ATP11A: variants seen among roughly 807,000 people sequenced by gnomAD.
ATP11A encodes ATPase phospholipid transporting 11A.
ATP11A carries 81 observed loss-of-function variants against 154.4 expected under a neutral mutation model. The ratio of observed to expected loss-of-function variants is 0.52; its 90% confidence interval spans 0.44 to 0.63. ATP11A has a LOEUF of 0.63. Among genes scored for constraint, ATP11A ranks in the 30% least tolerant of loss-of-function variants. ATP11A has a pLI of 0.00. For missense variants in ATP11A, 1,316 were observed against 1,474.3 expected, an observed-to-expected ratio of 0.89 and a Z score of 1.76; for synonymous variants, 623 against 585.9, an observed-to-expected ratio of 1.06 and a Z score of -0.91.
At chr13:112,784,397 A>G (rs11617478) in intron 1 of ATP11A, among the ~76,000 whole-genome samples, 5,260 of 151,928 alleles carry the variant, frequency 0.035, 118 homozygotes, top group Non-Finnish European at 0.055. Context: ...TCCAAGCCCC[A>G]CCTCTGGAGT....
rs988257311 is a variant in ATP11A at position 112,834,746 on chromosome 13, A to G, written c.1631+86A>G. The G allele has an allele frequency of 3.6e-6, 4 of 1,103,968 alleles. No homozygotes were observed. The African/African-American group carries it at 4.7e-5, about 13-fold the overall frequency. The allele number at this position is 1,103,968 out of a possible 1,614,324, so 68.4% of individuals were successfully genotyped here. On this transcript the variant is annotated intron_variant, in intron 15 of 29. Transcript: ENST00000375645. ...AGGTTCTGCGTTTGAGGGAAAAGAC[A>G]AGTTCTCTATGTTCTCCCACAATTC... is the stretch of plus-strand genomic sequence containing the variant.
At chr13:112,762,707 A>C (rs1328872069) in intron 1 of ATP11A, among the ~76,000 whole-genome samples, 2 of 152,198 alleles carry the variant, frequency 1.3e-5, no homozygotes, top group African/African-American at 4.8e-5. Context: ...CTCGAAACCC[A>C]GTTATGCTCA....
intron 16 of ATP11A, among the ~76,000 whole-genome samples, chr13:112,841,035 T>C (rs375556066): frequency 2.6e-5 from 4 of 152,346 alleles, no homozygotes; most frequent in South Asian, 4.1e-4. Flanking sequence ...CTGTGGTGTT[T>C]CTCCCACCCT....
chr13:112,820,094 A>G (rs2078758367), intron 8 of ATP11A, 144 bp downstream of exon 8: 6 of 763,134 alleles, frequency 7.9e-6, no homozygotes, highest in South Asian at 3.9e-5. Context: ...GCCGGGCTCC[A>G]CTCTCGTCTC....
chr13:112,775,511 C>T (rs1256273747), intron 1 of ATP11A, among the ~76,000 whole-genome samples: 1 of 152,218 alleles, frequency 6.6e-6, no homozygotes, highest in Non-Finnish European at 1.5e-5. Flanking sequence ...GTTTTCTCCT[C>T]TCCTACTTAC....
At chr13:112,745,700 G>A (rs1346774408) in intron 1 of ATP11A, 1 of 152,140 alleles carries the variant, frequency 6.6e-6, no homozygotes, top group Admixed American at 6.5e-5. Context: ...AAAACAAAAA[G>A]ATTAGGAGCG....
chr13:112,821,583 T>C (rs1431870139), intron 8 of ATP11A, among the ~76,000 whole-genome samples: 1 of 152,208 alleles, frequency 6.6e-6, no homozygotes, highest in Non-Finnish European at 1.5e-5. Flanking sequence ...AGTATTGGGA[T>C]TATAGGCATG....
rs1233839482 is a variant in ATP11A at position 112,873,400 on chromosome 13, T to C, written c.3058-173T>C. The C allele has an allele frequency of 7.2e-6, 4 of 555,920 alleles. No homozygotes were observed. In the African/African-American group the frequency reaches 7.8e-5, roughly 11 times the overall value. 34.4% of individuals were successfully genotyped at this position (555,920 alleles called of 1,614,324 possible). A position where few individuals can be genotyped will look rare whatever the true frequency, so the allele number is the denominator to read the frequency against. On this transcript the variant is annotated intron_variant, in intron 26 of 29. Coordinates refer to ENST00000375645, the MANE Select transcript of ATP11A (RefSeq NM_015205.3). The stretch of plus-strand genomic sequence containing the variant: ...GGTGTGGCTTTGTCTTCCTGAGCGG[T>C]GTGAGGTGTGGCTTTGTCTTCCTGA...
intron 1 of ATP11A, among the ~76,000 whole-genome samples, chr13:112,743,064 T>C (rs2139761654): frequency 6.6e-6 from 1 of 152,304 alleles, no homozygotes; most frequent in African/African-American, 2.4e-5. Flanking sequence ...GAGGGTTCTA[T>C]GGAGAGGCGA....
chr13:112,851,164 A>G lies in ATP11A; in HGVS notation c.1937A>G (p.Tyr646Cys), dbSNP rs758199797. 6 of 1,614,230 alleles carry G rather than the reference A, an allele frequency of 3.7e-6. No homozygotes were observed. The highest frequency in any genetic ancestry group is 2.2e-5 in the East Asian group (1 of 44,882). Reference protein sequence around the residue: ...QDREKKLAEAYEQIEKDLTLL... With the variant: ...QDREKKLAEACEQIEKDLTLL... ...CGAGAGAAAAAGTTAGCAGAAGCCT[A>G]TGAGCAAATAGAGAAAGATCTTACT... Residue 646 changes from tyrosine (Y) to cysteine (C), a missense_variant, in exon 18 of 30, where the codon TAT becomes TGT. Transcript: ENST00000375645.
chr13:112,831,877 C>T (rs2079096611), intron 13 of ATP11A, among the ~76,000 whole-genome samples: 1 of 152,056 alleles, frequency 6.6e-6, no homozygotes, highest in South Asian at 2.1e-4. Flanking sequence ...TGTGTGCACA[C>T]ACACACATGC....
At chr13:112,845,088 A>T (rs1019741777) in intron 17 of ATP11A, among the ~76,000 whole-genome samples, 1 of 151,820 alleles carries the variant, frequency 6.6e-6, no homozygotes, top group African/African-American at 2.4e-5. Context: ...GGTACAGACC[A>T]GTCCAGTTGC....
At chr13:112,826,186 C>T (rs1273047515) in intron 11 of ATP11A, among the ~76,000 whole-genome samples, 2 of 152,208 alleles carry the variant, frequency 1.3e-5, no homozygotes, top group African/African-American at 2.4e-5. Flanking sequence ...CAAACCCAGA[C>T]CTGTGTCCCC....
rs1484639200 is a variant in ATP11A at position 112,697,547 on chromosome 13, G to A, written c.39+7092G>A. Among the ~76,000 whole-genome samples, 1 of 152,084 alleles carries A rather than the reference G, an allele frequency of 6.6e-6. No individual in the cohort carries two copies. Among genetic ancestry groups the A allele is most frequent in the African/African-American group, 2.4e-5 (1 of 41,406 alleles). On this transcript the variant is annotated intron_variant, in intron 1 of 29. Transcript: ENST00000375645. The surrounding 1 kb of genome is among the most constrained non-coding windows in gnomAD (Gnocchi z 4.0). ...CCAGAGTTCCGAGGGCCTCCTCATA[G>A]TTTTAAAACTCTTTATTTTATTTTT...
intron 29 of ATP11A, chr13:112,881,187 C>T (rs2080873623): frequency 1.0e-6 from 1 of 989,202 alleles, no homozygotes; most frequent in Non-Finnish European, 1.2e-6. Context: ...GGGGACGGCC[C>T]CTCATCAGAC....
At chr13:112,710,955 C>T (rs565042961) in intron 1 of ATP11A, among the ~76,000 whole-genome samples, 136 of 67,862 alleles carry the variant, frequency 2.0e-3, no homozygotes, top group African/African-American at 6.3e-3. Context: ...CCCCTGCCAA[C>T]CACCCGGAGC....
At position 112,807,554 on chromosome 13, in the gene ATP11A, C is replaced by T. The variant is rs1477052991; in HGVS notation, c.333+1261C>T. Among the ~76,000 whole-genome samples the T allele has an allele frequency of 1.3e-5, 2 of 152,188 alleles. No individual in the cohort carries two copies. The highest frequency in any genetic ancestry group is 4.8e-5 in the African/African-American group (2 of 41,454). ...TGCCTGTGACTCAGGCAGTTTAACT[C>T]CTACCTGGGATAAGGCCTCACTTCA... On this transcript the variant is annotated intron_variant, in intron 4 of 29. Transcript: ENST00000375645. The surrounding 1 kb of genome is among the most constrained non-coding windows in gnomAD (Gnocchi z 4.5).
intron 1 of ATP11A, among the ~76,000 whole-genome samples, chr13:112,704,571 G>A (rs1886940152): frequency 6.6e-6 from 1 of 152,254 alleles, no homozygotes. Flanking sequence ...GTATGAGATG[G>A]GCTGGGGGTG....
Position 112,690,315 on chromosome 13 carries a change from C to G in ATP11A, c.-102C>G. On this transcript the variant is annotated 5_prime_UTR_variant, in exon 1 of 30. Transcript: ENST00000375645. The surrounding 1 kb of genome is among the most constrained non-coding windows in gnomAD (Gnocchi z 5.6). Reference sequence around the variant, plus strand: ...ACCGCCCGGCGCGCCGAGGCCGTGACCGGAGCGGGGGGCGCGGCCGCACTA... The same window carrying G: ...ACCGCCCGGCGCGCCGAGGCCGTGAGCGGAGCGGGGGGCGCGGCCGCACTA... 1.1e-6 allele frequency: 1 copy of G among 933,122 alleles called. No homozygotes were observed. The highest frequency in any genetic ancestry group is 1.3e-6 in the Non-Finnish European group (1 of 741,732). The allele number at this position is 933,122 out of a possible 1,614,324, so 57.8% of individuals were successfully genotyped here. A position where few individuals can be genotyped will look rare whatever the true frequency, so the allele number is the denominator to read the frequency against.
Sources: allele counts gnomAD v4.1 joint callset (sites outside exome capture counted in the v4.1 genomes callset), GRCh38; gene constraint gnomAD v4.1.1; non-coding constraint Gnocchi (gnomAD v3.1); transcripts MANE v1.5; gene names NCBI Gene and HGNC (gene_info 2026-07-23, HGNC 2026-07-21).